The following LMO7 variants were observed in gnomAD, a reference collection of about 807,000 sequenced individuals.
LMO7 encodes LIM domain 7, also known as LIM domain only protein 7.
Under a neutral mutation model 206.5 loss-of-function variants are expected in LMO7, and 120 were observed. That is an observed-to-expected ratio of 0.58 (90% CI 0.50 to 0.68). The LOEUF is 0.68. Ranked by LOEUF, LMO7 falls within the 30% of genes least tolerant of loss-of-function variation. LMO7 has a pLI of 0.00. For synonymous variants in LMO7, 706 were observed against 681.5 expected (o/e 1.04, Z -0.56); for missense variants, 1,959 against 1,957.9 (o/e 1.00, Z -0.01).
intron 4 of LMO7, among the ~76,000 whole-genome samples, chr13:75,761,943 T>C (rs2048272862): frequency 6.6e-6 from 1 of 152,174 alleles, no homozygotes; most frequent in Non-Finnish European, 1.5e-5. Context: ...ATGTGGTTAA[T>C]ATCCCTGTGT....
intron 2 of LMO7, among the ~76,000 whole-genome samples, chr13:75,717,204 A>C (rs945958029): frequency 2.0e-5 from 3 of 151,958 alleles, no homozygotes; most frequent in Non-Finnish European, 4.4e-5. Context: ...TCTATTAAAA[A>C]TACAAAAAAT....
At chr13:75,716,773 A>G (rs1237710326) in intron 2 of LMO7, among the ~76,000 whole-genome samples, 2 of 152,192 alleles carry the variant, frequency 1.3e-5, no homozygotes, top group Non-Finnish European at 2.9e-5. Context: ...TCTGGGTTCT[A>G]GCAGAATTAT....
At chr13:75,827,849 G>A (rs1660291949) in intron 15 of LMO7, among the ~76,000 whole-genome samples, 1 of 152,184 alleles carries the variant, frequency 6.6e-6, no homozygotes, top group Non-Finnish European at 1.5e-5. Flanking sequence ...AGGAAGGAAG[G>A]AAGCTTTCTG....
chr13:75,674,786 G>A (rs1159679873), intron 1 of LMO7, among the ~76,000 whole-genome samples: 1 of 152,188 alleles, frequency 6.6e-6, no homozygotes, highest in Non-Finnish European at 1.5e-5. Flanking sequence ...TATTAGCCTA[G>A]TTTTTGAAAG....
At chr13:75,730,455 C>T (rs1330119484) in intron 3 of LMO7, among the ~76,000 whole-genome samples, 6 of 152,236 alleles carry the variant, frequency 3.9e-5, no homozygotes, top group Middle Eastern at 3.4e-3. Flanking sequence ...GTTTGTATTT[C>T]TGTGGGATCA....
intron 3 of LMO7, among the ~76,000 whole-genome samples, chr13:75,751,147 CTCTTTT>C (rs2047236519): frequency 1.1e-5 from 1 of 93,802 alleles, no homozygotes; most frequent in African/African-American, 3.9e-5. Context: ...CTTTTTTCAG[CTCTTTT>C]TTTTTTTTTT....
At chr13:75,813,440 C>T (rs1196862518) in intron 11 of LMO7, among the ~76,000 whole-genome samples, 1 of 152,200 alleles carries the variant, frequency 6.6e-6, no homozygotes, top group African/African-American at 2.4e-5. Context: ...CGGAAGTGAT[C>T]TGATGTGTGT....
At chr13:75,687,583 T>C (rs1428595330) in intron 1 of LMO7, among the ~76,000 whole-genome samples, 1 of 152,168 alleles carries the variant, frequency 6.6e-6, no homozygotes, top group African/African-American at 2.4e-5. Context: ...AATGTGTACC[T>C]GTATATAGCA....
At chr13:75,750,051 A>C (rs2047148566) in intron 3 of LMO7, among the ~76,000 whole-genome samples, 1 of 151,904 alleles carries the variant, frequency 6.6e-6, no homozygotes, top group African/African-American at 2.4e-5. Flanking sequence ...TATCCAAAAT[A>C]ATAGATTAAA....
chr13:75,811,963 G>C (rs1198256005), intron 11 of LMO7, among the ~76,000 whole-genome samples: 1 of 152,176 alleles, frequency 6.6e-6, no homozygotes, highest in Admixed American at 6.5e-5. Context: ...TTGGCCAAAA[G>C]ATTCTGTAGA....
intron 26 of LMO7, among the ~76,000 whole-genome samples, chr13:75,846,052 A>C (rs1186362885): frequency 6.6e-6 from 1 of 152,064 alleles, no homozygotes; most frequent in African/African-American, 2.4e-5. Context: ...TATCATTGCC[A>C]TGCTGGAGAA....
At chr13:75,681,875 C>G (rs2040566919) in intron 1 of LMO7, among the ~76,000 whole-genome samples, 1 of 151,332 alleles carries the variant, frequency 6.6e-6, no homozygotes. Context: ...AGTAGTATTC[C>G]TTGCATGGAT....
Position 75,857,981 on chromosome 13 carries a change from G to C in LMO7, c.*38G>C. On this transcript the variant is annotated 3_prime_UTR_variant, in exon 31 of 31. Transcript: ENST00000377534. ...TACGAAAGCACTGTTGCAGATAGAA[G>C]AAGAGGTGGTTGCTGCTCATGTAGA... 6.2e-7 allele frequency: 1 copy of C among 1,608,960 alleles called. No homozygotes were observed.
Position 75,804,402 on chromosome 13 carries a change from A to G in LMO7, c.775A>G (p.Asn259Asp), listed in dbSNP as rs761681656. 10 of 1,614,080 alleles carry G rather than the reference A, an allele frequency of 6.2e-6. No homozygotes were observed. Among genetic ancestry groups the G allele is most frequent in the Non-Finnish European group, 6.8e-6 (8 of 1,180,018 alleles). ...TGAGCCAAAGACTGCGTTACCCTTC[A>G]ATCGTTTTTTACCCAACAAAAGTAG... ...AVEPKTALPF[N>D]RFLPNKSRQP... The change falls in exon 8 of 31, where the codon AAT becomes GAT. Residue 259 changes from asparagine (N) to aspartate (D), a missense_variant. Coordinates refer to ENST00000377534, the MANE Select transcript of LMO7 (RefSeq NM_001306080.2).
chr13:75,652,687 A>AGTAGAAAGCC (rs1226456040), intron 1 of LMO7, among the ~76,000 whole-genome samples: 1 of 151,452 alleles, frequency 6.6e-6, no homozygotes, highest in Non-Finnish European at 1.5e-5. Flanking sequence ...ATCATAGAAG[A>AGTAGAAAGCC]GTAGAAAGCC....
intron 1 of LMO7, among the ~76,000 whole-genome samples, chr13:75,654,938 C>T (rs2037911961): frequency 6.7e-6 from 1 of 149,298 alleles, no homozygotes; most frequent in Non-Finnish European, 1.5e-5. Flanking sequence ...GTGGTACGAT[C>T]TCGGCTCACT....
At position 75,853,396 on chromosome 13, in the gene LMO7, C is replaced by T; in HGVS notation, c.4661+8C>T. The T allele has an allele frequency of 5.1e-6, 8 of 1,555,190 alleles. No homozygotes were observed. The highest frequency in any genetic ancestry group is 7.0e-6 in the Non-Finnish European group (8 of 1,149,958). On this transcript the variant is annotated splice_region_variant and intron_variant, in intron 28 of 30. Coordinates refer to ENST00000377534, the MANE Select transcript of LMO7 (RefSeq NM_001306080.2). ...CTCTCAGCTGCGTAACAGGTGAGGC[C>T]CTTGCTGTTTCTCTTTCTTCTCTTA...
At chr13:75,790,273 G>T (rs2053084386) in intron 4 of LMO7, among the ~76,000 whole-genome samples, 1 of 152,148 alleles carries the variant, frequency 6.6e-6, no homozygotes, top group Admixed American at 6.5e-5. Context: ...TTAAGGAATA[G>T]CCTTGAATTG....
At chr13:75,775,820 G>A (rs906330458) in intron 4 of LMO7, among the ~76,000 whole-genome samples, 1 of 151,776 alleles carries the variant, frequency 6.6e-6, no homozygotes, top group Non-Finnish European at 1.5e-5. Flanking sequence ...TTGGATGTTG[G>A]TGAAGATGCA....
Sources: gnomAD v4.1 joint callset for allele counts (sites outside exome capture counted in the v4.1 genomes callset) on GRCh38, gnomAD v4.1.1 for gene constraint, MANE v1.5 for transcripts, NCBI Gene and HGNC (gene_info 2026-07-23, HGNC 2026-07-21) for gene names.